Variants in HDAC9 observed in about 807,000 individuals in gnomAD.
The protein encoded by HDAC9 is MEF-2 interacting transcription repressor (MITR) protein.
HDAC9 carries 41 observed loss-of-function variants against 139.4 expected under a neutral mutation model. That is an observed-to-expected ratio of 0.29 (90% CI 0.23 to 0.38). The LOEUF is 0.38. Ranked by LOEUF, HDAC9 falls within the 10% of genes least tolerant of loss-of-function variation. The pLI is 1.00. For synonymous variants in HDAC9, 517 were observed against 476.2 expected, an observed-to-expected ratio of 1.09 and a Z score of -1.12; for missense variants, 1,147 against 1,297.0, an observed-to-expected ratio of 0.88 and a Z score of 1.78.
chr7:18,206,738 C>T (rs1463753381), intron 2 of HDAC9, among the ~76,000 whole-genome samples: 1 of 152,016 alleles, frequency 6.6e-6, no homozygotes, highest in African/African-American at 2.4e-5. Flanking sequence ...AAAAAATTCA[C>T]TTTTTGGAGG....
chr7:18,621,214 A>G (rs1326700850), intron 6 of HDAC9, among the ~76,000 whole-genome samples: 2 of 151,786 alleles, frequency 1.3e-5, no homozygotes, highest in East Asian at 1.9e-4. Context: ...GACCCATAAT[A>G]TATTATTAAA....
intron 1 of HDAC9, among the ~76,000 whole-genome samples, chr7:18,454,063 A>G (rs575768385): frequency 6.6e-6 from 1 of 152,280 alleles, no homozygotes; most frequent in Admixed American, 6.5e-5. Flanking sequence ...AATTGCCTAA[A>G]TTAATAATTA....
chr7:18,483,504 G>T (rs916888068), intron 1 of HDAC9, among the ~76,000 whole-genome samples: 10 of 152,170 alleles, frequency 6.6e-5, no homozygotes, highest in African/African-American at 2.4e-4. Flanking sequence ...AGGCATTGTT[G>T]TTATGATCAT....
At chr7:18,089,531 G>A (rs1782013390) in intron 1 of HDAC9, among the ~76,000 whole-genome samples, 1 of 152,034 alleles carries the variant, frequency 6.6e-6, no homozygotes, top group East Asian at 1.9e-4. Flanking sequence ...AGGTTTAGGA[G>A]TTTTGAATCT....
chr7:18,954,563 T>G (rs1203378578), intron 24 of HDAC9, among the ~76,000 whole-genome samples: 1 of 151,946 alleles, frequency 6.6e-6, no homozygotes, highest in Non-Finnish European at 1.5e-5. Flanking sequence ...GGTAGTTATC[T>G]CCTAATGATG....
intron 1 of HDAC9, among the ~76,000 whole-genome samples, chr7:18,304,659 A>G (rs1219731733): frequency 6.6e-6 from 1 of 152,194 alleles, no homozygotes; most frequent in African/African-American, 2.4e-5. Flanking sequence ...AAACTAGATC[A>G]CCTACCATGC....
At chr7:18,662,206 G>GTTTC (rs929926195) in intron 11 of HDAC9, among the ~76,000 whole-genome samples, 3 of 151,956 alleles carry the variant, frequency 2.0e-5, no homozygotes, top group Admixed American at 6.6e-5. Context: ...TTTCTAAAAT[G>GTTTC]TTTCACCTTT....
intron 12 of HDAC9, chr7:18,667,662 C>T: frequency 1.0e-6 from 1 of 985,084 alleles, no homozygotes; most frequent in Non-Finnish European, 1.2e-6. Flanking sequence ...CTTGTGGAAA[C>T]AGGAAGTCCA....
At chr7:18,960,910 A>G (rs778243646) in intron 24 of HDAC9, among the ~76,000 whole-genome samples, 32 of 152,222 alleles carry the variant, frequency 2.1e-4, no homozygotes, top group Middle Eastern at 3.4e-3. Flanking sequence ...GAAGTTATCC[A>G]ATGTTTTGAC....
intron 1 of HDAC9, among the ~76,000 whole-genome samples, chr7:18,413,864 T>C (rs1788801799): frequency 6.6e-6 from 1 of 152,130 alleles, no homozygotes; most frequent in African/African-American, 2.4e-5. Context: ...ATTAACTCTG[T>C]GGTAGGTGCT....
chr7:18,204,830 ATGT>A (rs1366456091), intron 2 of HDAC9, among the ~76,000 whole-genome samples: 1 of 151,930 alleles, frequency 6.6e-6, no homozygotes, highest in Non-Finnish European at 1.5e-5. Flanking sequence ...TTTCTGCAAT[ATGT>A]TGTTTTTTTA....
chr7:18,418,660 G>T (rs532026550), intron 1 of HDAC9, among the ~76,000 whole-genome samples: 1 of 152,016 alleles, frequency 6.6e-6, no homozygotes, highest in East Asian at 1.9e-4. Context: ...TTTTTACTTT[G>T]TCATTCTTAT....
In HDAC9 at chr7:18,139,037, T is replaced by A. The variant is rs574086907; in HGVS notation, c.-96-23192T>A. 3.3e-5 allele frequency among the ~76,000 whole-genome samples: 5 copies of A among 152,246 alleles called. No individual in the cohort carries two copies. In the South Asian group the frequency reaches 1.0e-3, roughly 32 times the overall value. On this transcript the variant is annotated intron_variant, in intron 1 of 12. Coordinates refer to the HDAC9 transcript ENST00000417496. Reference sequence around the variant, plus strand: ...GTGTTAAAATTTTCTTTTAAATGATTCATTCTAGACAGTGGAAAGTATGCT... The same window carrying A: ...GTGTTAAAATTTTCTTTTAAATGATACATTCTAGACAGTGGAAAGTATGCT...
At chr7:18,991,035 G>T (rs372115171) in intron 25 of HDAC9, among the ~76,000 whole-genome samples, 1 of 152,232 alleles carries the variant, frequency 6.6e-6, no homozygotes, top group Non-Finnish European at 1.5e-5. Flanking sequence ...GCTGTAGACC[G>T]GAGCTGTTCC....
intron 12 of HDAC9, among the ~76,000 whole-genome samples, chr7:18,724,051 C>T (rs926968927): frequency 7.9e-5 from 12 of 152,136 alleles, no homozygotes; most frequent in African/African-American, 2.9e-4. Context: ...TGCACACACC[C>T]ATGCAAAATG....
intron 1 of HDAC9, among the ~76,000 whole-genome samples, chr7:18,298,472 C>A (rs550783658): frequency 1.3e-5 from 2 of 151,826 alleles, no homozygotes; most frequent in African/African-American, 4.8e-5. Context: ...GTGTGATATT[C>A]CCCTTCCTGT....
intron 12 of HDAC9, among the ~76,000 whole-genome samples, chr7:18,702,962 A>G (rs1183526782): frequency 6.6e-6 from 1 of 152,212 alleles, no homozygotes; most frequent in Non-Finnish European, 1.5e-5. Flanking sequence ...TTGAATGACA[A>G]TTGTGTATTT....
chr7:18,427,826 C>T (rs989415296), intron 1 of HDAC9, among the ~76,000 whole-genome samples: 6 of 151,732 alleles, frequency 4.0e-5, no homozygotes, highest in African/African-American at 1.5e-4. Flanking sequence ...TGTTGTACAG[C>T]AGCTCTTTTA....
intron 7 of HDAC9, among the ~76,000 whole-genome samples, chr7:18,634,189 G>T (rs997674532): frequency 6.6e-6 from 1 of 151,996 alleles, no homozygotes; most frequent in Non-Finnish European, 1.5e-5. Context: ...CACAGCATTT[G>T]AACAATTTTT....
Sources: allele counts gnomAD v4.1 joint callset (sites outside exome capture counted in the v4.1 genomes callset), GRCh38; gene constraint gnomAD v4.1.1; transcripts MANE v1.5; gene names NCBI Gene and HGNC (gene_info 2026-07-23, HGNC 2026-07-21).